Variants in CCDC73 observed in about 807,000 individuals in gnomAD.
CCDC73 encodes the protein coiled-coil domain-containing protein 73.
A neutral mutation model predicts 116.5 loss-of-function variants in CCDC73; 95 were observed. The ratio of observed to expected loss-of-function variants is 0.82; its 90% CI spans 0.69 to 0.97. CCDC73 has a LOEUF of 0.97. Among genes scored for constraint, CCDC73 ranks in the 50% least tolerant of loss-of-function variants. CCDC73 has a pLI of 0.00. For missense variants in CCDC73, 1,066 were observed against 1,206.8 expected (o/e 0.88, Z 1.73); for synonymous variants, 398 against 401.3 (o/e 0.99, Z 0.10).
At chr11:32,712,787 A>ATT (rs1849913712) in intron 3 of CCDC73, among the ~76,000 whole-genome samples, 1 of 61,736 alleles carries the variant, frequency 1.6e-5, no homozygotes, top group Admixed American at 1.9e-4. Context: ...GTATATATAC[A>ATT]CTTCATTTTA....
At chr11:32,732,766 A>T (rs1271864589) in intron 2 of CCDC73, among the ~76,000 whole-genome samples, 1 of 152,232 alleles carries the variant, frequency 6.6e-6, no homozygotes, top group African/African-American at 2.4e-5. Context: ...CTCCTGAAGG[A>T]AGCACTAAAC....
At chr11:32,727,939 A>C (rs1850042904) in intron 2 of CCDC73, among the ~76,000 whole-genome samples, 1 of 152,030 alleles carries the variant, frequency 6.6e-6, no homozygotes, top group African/African-American at 2.4e-5. Flanking sequence ...TACATTTAAT[A>C]GCTGAAATTC....
intron 1 of CCDC73, among the ~76,000 whole-genome samples, chr11:32,771,710 G>A (rs899505089): frequency 1.3e-5 from 2 of 152,176 alleles, no homozygotes; most frequent in South Asian, 2.1e-4. Context: ...TGGGACGAAG[G>A]TGAACATGAT....
the CCDC73 span, among the ~76,000 whole-genome samples, chr11:32,817,080 C>T: frequency 2.0e-5 from 3 of 152,238 alleles, no homozygotes; most frequent in Admixed American, 6.5e-5. Context: ...CCACCACGCT[C>T]AGCCCTAAAT....
chr11:32,802,059 A>G, the CCDC73 span, among the ~76,000 whole-genome samples: 1 of 152,198 alleles, frequency 6.6e-6, no homozygotes, highest in South Asian at 2.1e-4. Flanking sequence ...TGAAAACTCA[A>G]TATCTGTTAA....
chr11:32,796,551 C>T (rs924283195), upstream of CCDC73, among the ~76,000 whole-genome samples: 2 of 152,174 alleles, frequency 1.3e-5, no homozygotes, highest in African/African-American at 2.4e-5. Flanking sequence ...TGAATGCCCT[C>T]CTAACCCCAT....
At chr11:32,700,333 T>C (rs935975798) in intron 5 of CCDC73, among the ~76,000 whole-genome samples, 1 of 152,220 alleles carries the variant, frequency 6.6e-6, no homozygotes, top group African/African-American at 2.4e-5. Flanking sequence ...GATAAATTTC[T>C]AGGTTTGTTG....
At chr11:32,622,741 T>C (rs1855534697) in intron 14 of CCDC73, among the ~76,000 whole-genome samples, 1 of 148,266 alleles carries the variant, frequency 6.7e-6, no homozygotes, top group South Asian at 2.1e-4. Flanking sequence ...GGGGGAATGG[T>C]GTAAAGATTA....
chr11:32,779,367 G>A (rs975702353), intron 1 of CCDC73, among the ~76,000 whole-genome samples: 1 of 151,390 alleles, frequency 6.6e-6, no homozygotes, highest in Non-Finnish European at 1.5e-5. Flanking sequence ...AACTTAAGCT[G>A]ACTTTAAGAC....
chr11:32,612,327 A>C (rs984513525), intron 16 of CCDC73, among the ~76,000 whole-genome samples: 1 of 152,108 alleles, frequency 6.6e-6, no homozygotes, highest in South Asian at 2.1e-4. Context: ...ATGCTGTCCC[A>C]AAAATAAAAA....
chr11:32,710,804 T>C (rs974568193), intron 3 of CCDC73, among the ~76,000 whole-genome samples: 2 of 152,164 alleles, frequency 1.3e-5, no homozygotes, highest in African/African-American at 4.8e-5. Flanking sequence ...CCCACTATTA[T>C]TGTGTTGCCA....
chr11:32,797,933 C>T (rs1266185977), upstream of CCDC73, among the ~76,000 whole-genome samples: 2 of 152,204 alleles, frequency 1.3e-5, no homozygotes, highest in Admixed American at 6.5e-5. Flanking sequence ...TGAGCACCAA[C>T]GTGATGCTAC....
chr11:32,742,445 A>T (rs1048887194), intron 2 of CCDC73, among the ~76,000 whole-genome samples: 7 of 152,210 alleles, frequency 4.6e-5, no homozygotes, highest in Non-Finnish European at 1.0e-4. Flanking sequence ...TTGGCTGCAT[A>T]AATGTCTTCT....
Position 32,602,988 on chromosome 11 carries a change from T to A in CCDC73, c.3063A>T (p.Leu1021=). ...VKTKPLISTP[L]QSHLQAIKTT... ...TCTTGATTGCCTGCAAATGGCTTTG[T>A]AGTGGAGTTGATATCAGAGGCTTTG... Residue 1021 remains leucine (L), a synonymous_variant, in exon 18 of 18, where the codon CTA becomes CTT. Coordinates refer to ENST00000335185, the MANE Select transcript of CCDC73 (RefSeq NM_001008391.4). 1 of 1,611,362 alleles carries A rather than the reference T, an allele frequency of 6.2e-7. No individual in the cohort carries two copies. Among genetic ancestry groups the A allele is most frequent in the Non-Finnish European group, 8.5e-7 (1 of 1,179,284 alleles).
In CCDC73 at chr11:32,635,694, A is replaced by G; in HGVS notation, c.1185+2T>C. On this transcript the variant is annotated splice_donor_variant, in intron 14 of 17. Coordinates refer to ENST00000335185, the MANE Select transcript of CCDC73 (RefSeq NM_001008391.4). LOFTEE classifies it high-confidence loss of function. ...GTACCCCACAACATACTTAAATTTT[A>G]CCTGAAACTTTTTGTCTTCCTCAAA... The G allele has an allele frequency of 7.7e-7, 1 of 1,299,284 alleles. No homozygotes were observed. Among genetic ancestry groups the G allele is most frequent in the Non-Finnish European group, 9.9e-7 (1 of 1,007,210 alleles). The allele number at this position is 1,299,284 out of a possible 1,614,324, so 80.5% of individuals were successfully genotyped here. A position where few individuals can be genotyped will look rare whatever the true frequency, so the allele number is the denominator to read the frequency against.
At chr11:32,730,926 G>A (rs1426745070) in intron 2 of CCDC73, among the ~76,000 whole-genome samples, 1 of 152,186 alleles carries the variant, frequency 6.6e-6, no homozygotes, top group Non-Finnish European at 1.5e-5. Flanking sequence ...GACAGTAAGT[G>A]CAGGGCAGTG....
chr11:32,609,643 G>A (rs924935304), intron 17 of CCDC73, among the ~76,000 whole-genome samples: 1 of 152,022 alleles, frequency 6.6e-6, no homozygotes, highest in Non-Finnish European at 1.5e-5. Context: ...CTCTGCTCCT[G>A]GTACCAATTT....
chr11:32,806,856 A>G, the CCDC73 span, among the ~76,000 whole-genome samples: 2 of 152,170 alleles, frequency 1.3e-5, no homozygotes, highest in African/African-American at 2.4e-5. Context: ...TTGAAAAAGC[A>G]TCTGTTTGAT....
chr11:32,797,002 ACTG>A, upstream of CCDC73, among the ~76,000 whole-genome samples: 1 of 123,548 alleles, frequency 8.1e-6, no homozygotes, highest in East Asian at 2.4e-4. Context: ...ACAGACTGAG[ACTG>A]CCTCAAAAAA....
Sources: allele counts gnomAD v4.1 joint callset (sites outside exome capture counted in the v4.1 genomes callset), GRCh38; gene constraint gnomAD v4.1.1; transcripts MANE v1.5; gene names NCBI Gene and HGNC (gene_info 2026-07-23, HGNC 2026-07-21).